DMD: variants seen among roughly 807,000 people sequenced by gnomAD.
The protein encoded by DMD is dystrophin.
Under a neutral mutation model 330.1 loss-of-function variants are expected in DMD, and 63 were observed. The ratio of observed to expected loss-of-function variants is 0.19; its 90% CI spans 0.16 to 0.24. The LOEUF is 0.24. Ranked by LOEUF, DMD falls within the 10% of genes least tolerant of loss-of-function variation. The probability of loss-of-function intolerance (pLI) is 1.00; values close to 1 mark genes in which losing one functional copy is unlikely to be tolerated. For missense variants in DMD, 3,344 were observed against 2,684.1 expected, an observed-to-expected ratio of 1.25 and a Z score of -5.43; for synonymous variants, 1,223 against 959.8, an observed-to-expected ratio of 1.27 and a Z score of -5.07.
intron 67 of DMD, among the ~76,000 whole-genome samples, chrX:31,187,757 G>T (rs866984629): frequency 1.3e-5 from 1 of 76,786 alleles, no homozygotes; most frequent in Non-Finnish European, 2.7e-5. Flanking sequence ...GAGAGAGAGA[G>T]AGAGAGAGAG....
intron 67 of DMD, among the ~76,000 whole-genome samples, chrX:31,188,174 C>A (rs765712195): frequency 1.8e-5 from 2 of 111,861 alleles, no homozygotes; most frequent in Non-Finnish European, 3.8e-5. Context: ...CGGGGATTCA[C>A]GTTCTCATTC....
chrX:33,320,598 G>T (rs2054001616), intron 1 of DMD, among the ~76,000 whole-genome samples: 1 of 112,328 alleles, frequency 8.9e-6, no homozygotes, highest in Non-Finnish European at 1.9e-5. Flanking sequence ...CCTCAATGTG[G>T]ATGGCTGCTG....
chrX:31,682,421 G>A (rs1285713942), intron 52 of DMD, among the ~76,000 whole-genome samples: 1 of 111,633 alleles, frequency 9.0e-6, no homozygotes, highest in Admixed American at 9.5e-5. Context: ...AACAGCTTTC[G>A]TAGTTGAGGC....
chrX:31,364,615 A>G (rs1405615305), intron 60 of DMD, among the ~76,000 whole-genome samples: 2 of 112,324 alleles, frequency 1.8e-5, no homozygotes, highest in Non-Finnish European at 3.8e-5. Context: ...CCTCATCACA[A>G]TAACTATTCA....
chrX:32,129,782 T>G (rs1290602915), intron 44 of DMD, among the ~76,000 whole-genome samples: 1 of 107,500 alleles, frequency 9.3e-6, no homozygotes, highest in Non-Finnish European at 1.9e-5. Context: ...CAGAAAACAT[T>G]ATGTCCAAGA....
At chrX:32,852,122 G>A (rs1250450317) in intron 2 of DMD, among the ~76,000 whole-genome samples, 2 of 111,638 alleles carry the variant, frequency 1.8e-5, no homozygotes, top group African/African-American at 6.5e-5. Flanking sequence ...ACAGCTTTGA[G>A]AGAGACTGCT....
At chrX:32,362,532 G>T (rs1044881563) in intron 37 of DMD, among the ~76,000 whole-genome samples, 2 of 111,371 alleles carry the variant, frequency 1.8e-5, no homozygotes, top group Admixed American at 1.9e-4. Flanking sequence ...AGCATAGAAT[G>T]CAGTCCTAGA....
chrX:33,318,517 C>T (rs940690904), intron 1 of DMD, among the ~76,000 whole-genome samples: 4 of 107,457 alleles, frequency 3.7e-5, no homozygotes, highest in African/African-American at 3.4e-5. Flanking sequence ...ACACCATTTC[C>T]GCTCACTGCA....
rs769503326 is a variant in DMD at position 31,774,854 on chromosome X, T to C, written c.7310-662A>G. On this transcript the variant is annotated intron_variant, in intron 50 of 78. Coordinates refer to ENST00000357033, the MANE Select transcript of DMD (RefSeq NM_004006.3). Reference sequence around the variant, plus strand: ...AATGCGAGTTAGTAGTTTTTCTATTTAGACATGAAATACTGTTTCAAAGTC... The same window carrying C: ...AATGCGAGTTAGTAGTTTTTCTATTCAGACATGAAATACTGTTTCAAAGTC... Among the ~76,000 whole-genome samples the C allele has an allele frequency of 5.3e-5, 6 of 112,293 alleles. No individual in the cohort carries two copies. The East Asian group carries it at 1.4e-3, about 26-fold the overall frequency.
intron 43 of DMD, among the ~76,000 whole-genome samples, chrX:32,233,031 C>A (rs2097174278): frequency 8.9e-6 from 1 of 112,441 alleles, no homozygotes; most frequent in South Asian, 3.7e-4. Context: ...ACCACTGATT[C>A]ATTTACTCAA....
At chrX:32,757,305 C>A (rs181131486) in intron 7 of DMD, among the ~76,000 whole-genome samples, 147 of 111,341 alleles carry the variant, frequency 1.3e-3, no homozygotes, top group Non-Finnish European at 2.4e-3. Context: ...TTTGTGTAAC[C>A]CCATTCTTAA....
rs1603514135 is a variant in DMD, at chrX:31,875,329, T to G, written c.6957A>C (p.Gln2319His). ...LPEKQGEIEA[Q>H]IKDLGQLEKK... ...TTTCAAGCTGCCCAAGGTCTTTTATTTGAGCTTCAATTTCTCCTTGTTTCT... is the reference window on the plus strand; with the variant it reads ...TTTCAAGCTGCCCAAGGTCTTTTATGTGAGCTTCAATTTCTCCTTGTTTCT... The change falls in exon 48 of 79, where the codon CAA (glutamine) becomes CAC (histidine). Residue 2319 changes from glutamine to histidine, a missense_variant. By Grantham distance (24) the Gln-to-His change is conservative. Coordinates refer to ENST00000357033, the MANE Select transcript of DMD (RefSeq NM_004006.3). The G allele has an allele frequency of 1.7e-5, 21 of 1,207,521 alleles. No homozygotes were observed. Among genetic ancestry groups the G allele is most frequent in the Non-Finnish European group, 2.2e-5 (20 of 893,931 alleles).
At chrX:33,069,884 T>C (rs1426470003) in intron 1 of DMD, among the ~76,000 whole-genome samples, 1 of 111,900 alleles carries the variant, frequency 8.9e-6, no homozygotes, top group Non-Finnish European at 1.9e-5. Flanking sequence ...TCTCTTCCTG[T>C]TTTTCTTATG....
At chrX:33,125,327 C>G (rs2095456880) in intron 1 of DMD, among the ~76,000 whole-genome samples, 1 of 110,298 alleles carries the variant, frequency 9.1e-6, no homozygotes, top group Admixed American at 9.8e-5. Flanking sequence ...GTAGGACTGG[C>G]CAAAAATTAA....
At chrX:32,812,126 C>CT (rs1473949103) in intron 6 of DMD, among the ~76,000 whole-genome samples, 1 of 111,027 alleles carries the variant, frequency 9.0e-6, no homozygotes, top group Non-Finnish European at 1.9e-5. Context: ...TCACAGACAC[C>CT]TTTGAGAATC....
At chrX:33,317,253 T>C (rs2053945443) in intron 1 of DMD, among the ~76,000 whole-genome samples, 1 of 111,184 alleles carries the variant, frequency 9.0e-6, no homozygotes, top group South Asian at 3.7e-4. Context: ...TTAAAGAGAT[T>C]ATATTGCTCA....
upstream of DMD, among the ~76,000 whole-genome samples, chrX:33,214,507 T>G (rs1170394165): frequency 2.7e-5 from 3 of 111,889 alleles, no homozygotes; most frequent in Non-Finnish European, 5.6e-5. Context: ...CATACTCGGC[T>G]TTTTTACACA....
intron 1 of DMD, among the ~76,000 whole-genome samples, chrX:33,040,088 C>T (rs1359469408): frequency 1.8e-5 from 2 of 111,302 alleles, no homozygotes; most frequent in African/African-American, 6.5e-5. Flanking sequence ...TATGACATTT[C>T]AGCATCCTTG....
At chrX:32,337,586 G>C (rs1264462865) in intron 41 of DMD, among the ~76,000 whole-genome samples, 1 of 109,495 alleles carries the variant, frequency 9.1e-6, no homozygotes, top group East Asian at 2.8e-4. Context: ...GCACTTTTTT[G>C]CTATCTAGAA....
Sources: allele counts gnomAD v4.1 joint callset (sites outside exome capture counted in the v4.1 genomes callset), GRCh38; gene constraint gnomAD v4.1.1; transcripts MANE v1.5; gene names NCBI Gene and HGNC (gene_info 2026-07-23, HGNC 2026-07-21).